Variants in SLC22A4 observed in about 807,000 individuals in gnomAD.
The protein encoded by SLC22A4 is solute carrier family 22 member 4.
SLC22A4 carries 39 observed loss-of-function variants against 56.6 expected under a neutral mutation model. That is an observed-to-expected ratio of 0.69 (90% CI 0.53 to 0.90). The LOEUF (loss-of-function observed/expected upper bound fraction) is 0.90, where lower values mean the gene tolerates loss of function less well. Among genes scored for constraint, SLC22A4 ranks in the 40% least tolerant of loss-of-function variants. SLC22A4 has a pLI of 0.00. For missense variants in SLC22A4, 594 were observed against 696.5 expected, an observed-to-expected ratio of 0.85 and a Z score of 1.66; for synonymous variants, 241 against 281.4, an observed-to-expected ratio of 0.86 and a Z score of 1.44.
intron 1 of SLC22A4, among the ~76,000 whole-genome samples, chr5:132,309,862 A>G (rs1165599483): frequency 2.0e-5 from 3 of 152,234 alleles, no homozygotes; most frequent in Non-Finnish European, 4.4e-5. Flanking sequence ...TCTAAATCCT[A>G]TCTATCCTGC....
At chr5:132,305,942 T>C (rs1252344389) in intron 1 of SLC22A4, among the ~76,000 whole-genome samples, 2 of 152,232 alleles carry the variant, frequency 1.3e-5, no homozygotes, top group Admixed American at 1.3e-4. Flanking sequence ...ATTGTTAGTA[T>C]GGCAGTGCTC....
At chr5:132,299,258 G>A (rs1343880778) in intron 1 of SLC22A4, among the ~76,000 whole-genome samples, 1 of 152,158 alleles carries the variant, frequency 6.6e-6, no homozygotes, top group Non-Finnish European at 1.5e-5. Context: ...TAGCAATAAG[G>A]TGTCTGAGTT....
At chr5:132,343,668 G>A in intron 9 of SLC22A4, 92 bp from the exon 10 acceptor site, 1 of 778,096 alleles carries the variant, frequency 1.3e-6, no homozygotes, top group Middle Eastern at 3.6e-4. Flanking sequence ...TCATTGATTG[G>A]AGAAATATTT....
chr5:132,331,975 T>C (rs1750871152), intron 6 of SLC22A4, 125 bp downstream of exon 6: 2 of 723,494 alleles, frequency 2.8e-6, no homozygotes. Flanking sequence ...ATTATAAAAT[T>C]CTAAATTATT....
chr5:132,333,389 C>T (rs551576989), intron 6 of SLC22A4, among the ~76,000 whole-genome samples: 2 of 152,312 alleles, frequency 1.3e-5, no homozygotes, highest in Admixed American at 1.3e-4. Flanking sequence ...AAAGCAGGCA[C>T]TTCTAAAAGG....
chr5:132,306,048 C>G (rs1750020751), intron 1 of SLC22A4, among the ~76,000 whole-genome samples: 1 of 152,038 alleles, frequency 6.6e-6, no homozygotes, highest in African/African-American at 2.4e-5. Context: ...TTTACACCCA[C>G]TACAATGACT....
intron 2 of SLC22A4, among the ~76,000 whole-genome samples, chr5:132,312,889 A>C (rs1750222673): frequency 6.6e-6 from 1 of 152,230 alleles, no homozygotes; most frequent in African/African-American, 2.4e-5. Context: ...CTCCCAGCCC[A>C]AGCCAACAGC....
chr5:132,327,767 C>T lies in SLC22A4; in HGVS notation c.951+364C>T, dbSNP rs1750725170. ...GGAAAAATATGTTTCAGGGCTAGTC[C>T]ACCCTGGGTTCTCCACTGTACCCTG... is the stretch of plus-strand genomic sequence containing the variant. On this transcript the variant is annotated intron_variant, in intron 5 of 9. Transcript: ENST00000200652. 3.3e-5 allele frequency among the ~76,000 whole-genome samples: 5 copies of T among 152,268 alleles called. No individual in the cohort carries two copies. The South Asian group carries it at 1.0e-3, about 32-fold the overall frequency.
chr5:132,340,515 C>T, intron 8 of SLC22A4, 50 bp from the exon 9 acceptor site: 1 of 1,579,608 alleles, frequency 6.3e-7, no homozygotes, highest in Non-Finnish European at 8.7e-7. Flanking sequence ...TCAAGAGTGC[C>T]CAGAGAGTCC....
At chr5:132,326,945 G>A (rs1750707441) in intron 4 of SLC22A4, among the ~76,000 whole-genome samples, 1 of 152,232 alleles carries the variant, frequency 6.6e-6, no homozygotes, top group African/African-American at 2.4e-5. Context: ...TAGTCTAGTA[G>A]CTATGTTTCT....
At chr5:132,302,017 G>T (rs1020442905) in intron 1 of SLC22A4, among the ~76,000 whole-genome samples, 21 of 152,354 alleles carry the variant, frequency 1.4e-4, no homozygotes, top group Admixed American at 5.9e-4. Flanking sequence ...TCCAGTCAAT[G>T]CTTCAGAAAG....
chr5:132,325,874 G>A (rs187082068), intron 4 of SLC22A4, among the ~76,000 whole-genome samples: 56 of 152,272 alleles, frequency 3.7e-4, no homozygotes, highest in African/African-American at 1.1e-3. Flanking sequence ...ACGCCCACCC[G>A]TGTGCCATGT....
intron 1 of SLC22A4, among the ~76,000 whole-genome samples, chr5:132,302,392 C>G (rs894150576): frequency 6.6e-6 from 1 of 152,172 alleles, no homozygotes; most frequent in Non-Finnish European, 1.5e-5. Context: ...TGGCAGGCTG[C>G]ATTCAATTTA....
chr5:132,317,163 C>T lies in SLC22A4; in HGVS notation c.652+3395C>T, dbSNP rs553033582. On this transcript the variant is annotated intron_variant, in intron 3 of 9. Transcript: ENST00000200652. ...CCTATACCCTATCAGGTCAGGGGAT[C>T]AATGTATGAATAATAGAGGGACACA... Among the ~76,000 whole-genome samples, 7 of 152,284 alleles carry T rather than the reference C, an allele frequency of 4.6e-5. No individual in the cohort carries two copies. In the South Asian group the frequency reaches 1.2e-3, roughly 27 times the overall value.
chr5:132,301,965 G>T (rs1243607317), intron 1 of SLC22A4, among the ~76,000 whole-genome samples: 1 of 152,232 alleles, frequency 6.6e-6, no homozygotes, highest in African/African-American at 2.4e-5. Context: ...GGGATAAGGT[G>T]TGGGGGCCTC....
intron 6 of SLC22A4, 145 bp from the exon 7 acceptor site, chr5:132,334,569 CTTAT>C: frequency 5.4e-6 from 4 of 743,620 alleles, no homozygotes; most frequent in Non-Finnish European, 9.8e-6. Context: ...AATTTGTAAT[CTTAT>C]TTAATTTTAA....
chr5:132,296,005 C>A (rs1166006538), intron 1 of SLC22A4, among the ~76,000 whole-genome samples: 2 of 152,194 alleles, frequency 1.3e-5, no homozygotes, highest in African/African-American at 4.8e-5. Context: ...CCTCAGATGC[C>A]CATGGGGCAC....
At chr5:132,306,836 A>G (rs904869229) in intron 1 of SLC22A4, among the ~76,000 whole-genome samples, 2 of 145,370 alleles carry the variant, frequency 1.4e-5, no homozygotes, top group African/African-American at 5.5e-5. Flanking sequence ...GGAGCTAAGT[A>G]TAAGAAGCCA....
At chr5:132,338,567 A>G (rs272877) in intron 8 of SLC22A4, among the ~76,000 whole-genome samples, 106,826 of 152,034 alleles carry the variant, frequency 0.7, 38,068 homozygotes, top group African/African-American at 0.8. Flanking sequence ...CCCTACAGCT[A>G]CAACCGTAAA....
Sources: allele counts gnomAD v4.1 joint callset (sites outside exome capture counted in the v4.1 genomes callset), GRCh38; gene constraint gnomAD v4.1.1; transcripts MANE v1.5; gene names NCBI Gene and HGNC (gene_info 2026-07-23, HGNC 2026-07-21).